The following CHN2 variants were observed in gnomAD, a reference collection of about 807,000 sequenced individuals.
CHN2 encodes chimerin 2.
A neutral mutation model predicts 56.3 loss-of-function variants in CHN2; 35 were observed. The observed-to-expected ratio is 0.62, with a 90% CI of 0.47 to 0.82. The LOEUF (loss-of-function observed/expected upper bound fraction) is 0.82. CHN2 is among the 40% of genes least tolerant of loss of function. CHN2 has a pLI of 0.00. For missense variants in CHN2, 491 were observed against 580.5 expected, an observed-to-expected ratio of 0.85 and a Z score of 1.58; for synonymous variants, 210 against 212.8, an observed-to-expected ratio of 0.99 and a Z score of 0.12.
intron 1 of CHN2, among the ~76,000 whole-genome samples, chr7:29,246,293 C>T (rs529259514): frequency 1.3e-5 from 2 of 152,266 alleles, no homozygotes; most frequent in African/African-American, 4.8e-5. Flanking sequence ...CCTGGTCCTG[C>T]TCCACGTGGC....
chr7:29,296,435 A>G (rs1793166095), intron 1 of CHN2, among the ~76,000 whole-genome samples: 1 of 152,334 alleles, frequency 6.6e-6, no homozygotes, highest in South Asian at 2.1e-4. Context: ...TTATTGAAGC[A>G]TATGCTAAAA....
intron 1 of CHN2, among the ~76,000 whole-genome samples, chr7:29,349,027 G>A (rs2128920828): frequency 6.6e-6 from 1 of 152,206 alleles, no homozygotes; most frequent in South Asian, 2.1e-4. Flanking sequence ...ACTTAACAAT[G>A]TAGCATAAGT....
intron 2 of CHN2, among the ~76,000 whole-genome samples, chr7:29,176,522 A>G (rs1206086538): frequency 6.6e-6 from 1 of 152,212 alleles, no homozygotes; most frequent in Non-Finnish European, 1.5e-5. Flanking sequence ...ATACAAATCT[A>G]ACTTTGATTC....
intron 1 of CHN2, among the ~76,000 whole-genome samples, chr7:29,303,186 A>G (rs923175767): frequency 3.9e-5 from 6 of 152,196 alleles, no homozygotes; most frequent in Non-Finnish European, 7.3e-5. Flanking sequence ...CGTTCCCCAC[A>G]GCAAGACAGC....
intron 3 of CHN2, among the ~76,000 whole-genome samples, chr7:29,368,589 A>G (rs558990568): frequency 2.6e-4 from 39 of 152,230 alleles, no homozygotes; most frequent in Non-Finnish European, 5.7e-4. Flanking sequence ...ATATCCTTCA[A>G]ATCAAAGGCC....
At chr7:29,210,847 T>C (rs1256386024) in intron 1 of CHN2, among the ~76,000 whole-genome samples, 2 of 152,142 alleles carry the variant, frequency 1.3e-5, no homozygotes, top group South Asian at 4.1e-4. Context: ...GAACCGCAGC[T>C]GCAGAGTCCC....
intron 1 of CHN2, among the ~76,000 whole-genome samples, chr7:29,263,594 C>T (rs1584905156): frequency 1.3e-5 from 2 of 151,996 alleles, no homozygotes; most frequent in South Asian, 2.1e-4. Context: ...AGCGTCTCTG[C>T]CTCGCTGCCC....
rs1317893255 is a variant in CHN2 at position 29,513,366 on chromosome 7, A to ATAGTT, written c.*633_*637dup. On this transcript the variant is annotated 3_prime_UTR_variant, in exon 13 of 13. Transcript: ENST00000222792. Reference sequence around the variant, plus strand: ...CCTGCCCCTTGTGTTCCTGCTTTGGATAGTTTTTGCTCTTAAGCATTGGCA... The same window carrying ATAGTT: ...CCTGCCCCTTGTGTTCCTGCTTTGGATAGTTTAGTTTTTGCTCTTAAGCATTGGCA... 2 of 152,564 alleles carry ATAGTT rather than the reference A, an allele frequency of 1.3e-5. No individual in the cohort carries two copies. Among genetic ancestry groups the ATAGTT allele is most frequent in the African/African-American group, 4.8e-5 (2 of 41,422 alleles). 9.5% of individuals were successfully genotyped at this position (152,564 alleles called of 1,614,324 possible).
At chr7:29,242,988 A>G (rs1787806500) in intron 1 of CHN2, among the ~76,000 whole-genome samples, 1 of 151,946 alleles carries the variant, frequency 6.6e-6, no homozygotes, top group Non-Finnish European at 1.5e-5. Flanking sequence ...AATTATTTAT[A>G]TAATTGACAA....
chr7:29,203,758 A>C (rs933841596), intron 1 of CHN2, among the ~76,000 whole-genome samples: 6 of 152,124 alleles, frequency 3.9e-5, no homozygotes, highest in African/African-American at 1.4e-4. Context: ...GAAACTTACC[A>C]AGGCAACTCA....
At chr7:29,271,729 T>C (rs1302695200) in intron 1 of CHN2, among the ~76,000 whole-genome samples, 1 of 152,224 alleles carries the variant, frequency 6.6e-6, no homozygotes, top group Non-Finnish European at 1.5e-5. Context: ...CTGCTTTCTT[T>C]GGTGGCCTTG....
chr7:29,151,308 T>C (rs1227534988), intron 2 of CHN2, among the ~76,000 whole-genome samples: 1 of 152,210 alleles, frequency 6.6e-6, no homozygotes, highest in Non-Finnish European at 1.5e-5. Context: ...CAAATTAATC[T>C]ACGTCTTTTG....
intron 1 of CHN2, among the ~76,000 whole-genome samples, chr7:29,253,505 AG>A (rs1788810914): frequency 6.6e-6 from 1 of 152,212 alleles, no homozygotes; most frequent in African/African-American, 2.4e-5. Flanking sequence ...TGAACAAACT[AG>A]GCATTCTGTT....
intron 8 of CHN2, among the ~76,000 whole-genome samples, chr7:29,496,546 A>G (rs1294519524): frequency 6.6e-6 from 1 of 152,104 alleles, no homozygotes; most frequent in Non-Finnish European, 1.5e-5. Context: ...GAGGCTTGTT[A>G]TTTGCCCTTG....
intron 1 of CHN2, among the ~76,000 whole-genome samples, chr7:29,350,775 G>A (rs1042618052): frequency 2.0e-5 from 3 of 152,096 alleles, no homozygotes; most frequent in Admixed American, 6.6e-5. Flanking sequence ...GCTATTGACC[G>A]GACGTTGTCC....
intron 1 of CHN2, among the ~76,000 whole-genome samples, chr7:29,205,504 C>T (rs1784452738): frequency 6.6e-6 from 1 of 152,160 alleles, no homozygotes; most frequent in Non-Finnish European, 1.5e-5. Flanking sequence ...TGAACAAAAC[C>T]TAAAAATCCC....
chr7:29,169,309 C>G (rs1796305678), intron 2 of CHN2, among the ~76,000 whole-genome samples: 2 of 152,080 alleles, frequency 1.3e-5, no homozygotes, highest in African/African-American at 4.8e-5. Flanking sequence ...TAAAATATAT[C>G]ATCCTATTGA....
chr7:29,434,349 C>T (rs1783067975), intron 6 of CHN2, among the ~76,000 whole-genome samples: 1 of 152,016 alleles, frequency 6.6e-6, no homozygotes, highest in African/African-American at 2.4e-5. Context: ...TAGCAGATAC[C>T]ATGAACTGCA....
intron 1 of CHN2, among the ~76,000 whole-genome samples, chr7:29,293,676 C>T (rs1792862936): frequency 2.0e-5 from 3 of 152,102 alleles, no homozygotes; most frequent in Admixed American, 6.5e-5. Flanking sequence ...TCCTAGCTGT[C>T]CGCATGGCTC....
Sources: allele counts gnomAD v4.1 joint callset (sites outside exome capture counted in the v4.1 genomes callset), GRCh38; gene constraint gnomAD v4.1.1; transcripts MANE v1.5; gene names NCBI Gene and HGNC (gene_info 2026-07-23, HGNC 2026-07-21).